The following SGCD variants were observed in gnomAD, a reference collection of about 807,000 sequenced individuals.
The protein encoded by SGCD is delta-sarcoglycan.
SGCD carries 18 observed loss-of-function variants against 36.6 expected under a neutral mutation model. The observed-to-expected ratio is 0.49, with a 90% CI of 0.34 to 0.73. The LOEUF (loss-of-function observed/expected upper bound fraction) is 0.73. Ranked by LOEUF, SGCD falls within the 30% of genes least tolerant of loss-of-function variation. The probability of loss-of-function intolerance (pLI) is 0.01; values close to 1 mark genes in which losing one functional copy is unlikely to be tolerated. For missense variants in SGCD, 387 were observed against 346.7 expected (o/e 1.12, Z -0.92); for synonymous variants, 133 against 130.6 (o/e 1.02, Z -0.12).
At chr5:156,372,106 T>A (rs1770416329) in intron 3 of SGCD, among the ~76,000 whole-genome samples, 1 of 152,286 alleles carries the variant, frequency 6.6e-6, no homozygotes, top group East Asian at 1.9e-4. Context: ...AGGACATAAG[T>A]GAATTGACAG....
intron 2 of SGCD, among the ~76,000 whole-genome samples, chr5:156,338,036 A>G (rs572508065): frequency 1.2e-4 from 18 of 152,242 alleles, no homozygotes; most frequent in Admixed American, 3.3e-4. Context: ...ATGCCTGTCA[A>G]TGCCCCTTCT....
chr5:156,525,739 T>A (rs181245061), intron 4 of SGCD, among the ~76,000 whole-genome samples: 47 of 152,216 alleles, frequency 3.1e-4, no homozygotes, highest in South Asian at 1.2e-3. Context: ...TTTAACCCAT[T>A]TTTGAGTTGA....
chr5:155,976,738 G>A (rs1758121043), intron 1 of SGCD, among the ~76,000 whole-genome samples: 1 of 152,048 alleles, frequency 6.6e-6, no homozygotes, highest in South Asian at 2.1e-4. Flanking sequence ...CAAGTGAAAG[G>A]CAACGGGTGT....
intron 3 of SGCD, among the ~76,000 whole-genome samples, chr5:156,496,996 A>C (rs1292980165): frequency 6.6e-6 from 1 of 152,192 alleles, no homozygotes; most frequent in African/African-American, 2.4e-5. Flanking sequence ...TCCTCAATTT[A>C]GAAGTTAGAA....
rs115159066 is a variant in SGCD at position 156,548,982 on chromosome 5, C to T, written c.295-40249C>T. 3.1e-3 allele frequency among the ~76,000 whole-genome samples: 468 copies of T among 152,172 alleles called. 4 individuals carry two copies. The highest frequency in any genetic ancestry group is 0.011 in the African/African-American group (448 of 41,456). Reference sequence around the variant, plus strand: ...AGCCTTGAGCTCCTTAAGGTTCTGTCAACCTAGAATACTTGCCAGTTCAGA... The same window carrying T: ...AGCCTTGAGCTCCTTAAGGTTCTGTTAACCTAGAATACTTGCCAGTTCAGA... On this transcript the variant is annotated intron_variant, in intron 4 of 8. Transcript: ENST00000337851.
At chr5:156,260,143 T>C (rs1480051573) in intron 3 of SGCD, among the ~76,000 whole-genome samples, 2 of 152,224 alleles carry the variant, frequency 1.3e-5, no homozygotes, top group African/African-American at 4.8e-5. Context: ...CATGTGGTCT[T>C]GATTATTGTA....
chr5:155,927,066 A>T (rs139823956), intron 1 of SGCD, among the ~76,000 whole-genome samples: 2 of 152,282 alleles, frequency 1.3e-5, no homozygotes, highest in African/African-American at 4.8e-5. Flanking sequence ...CCACAATGAA[A>T]ATATTGCCAT....
intron 7 of SGCD, among the ~76,000 whole-genome samples, chr5:156,672,246 G>A (rs1225879543): frequency 1.3e-5 from 2 of 152,158 alleles, no homozygotes; most frequent in Non-Finnish European, 2.9e-5. Flanking sequence ...TCTTAAATAT[G>A]TAAGTTTTCA....
At chr5:155,733,087 A>G in the SGCD span, among the ~76,000 whole-genome samples, 1 of 149,970 alleles carries the variant, frequency 6.7e-6, no homozygotes, top group Non-Finnish European at 1.5e-5. Flanking sequence ...CCTTCGGTGC[A>G]TGAGTGTCGG....
intron 3 of SGCD, among the ~76,000 whole-genome samples, chr5:156,164,857 A>G (rs1340739608): frequency 6.6e-6 from 1 of 152,232 alleles, no homozygotes; most frequent in Non-Finnish European, 1.5e-5. Context: ...TTGAAGGGAC[A>G]AAACATGAGG....
intron 1 of SGCD, among the ~76,000 whole-genome samples, chr5:156,007,375 T>C (rs949379509): frequency 6.6e-6 from 1 of 152,230 alleles, no homozygotes; most frequent in Admixed American, 6.5e-5. Flanking sequence ...AGTTTAATCT[T>C]CAAACTCTCC....
At chr5:156,031,338 G>C (rs890766103) in intron 1 of SGCD, among the ~76,000 whole-genome samples, 2 of 152,300 alleles carry the variant, frequency 1.3e-5, no homozygotes, top group Admixed American at 6.5e-5. Flanking sequence ...AAGAGGCCTA[G>C]AAACCCTTTG....
intron 3 of SGCD, among the ~76,000 whole-genome samples, chr5:156,279,753 T>C (rs1224966628): frequency 6.6e-6 from 1 of 152,008 alleles, no homozygotes; most frequent in Non-Finnish European, 1.5e-5. Flanking sequence ...TAGGAAGTGA[T>C]GAGAATAAAG....
At chr5:156,705,961 A>G (rs966189532) in intron 7 of SGCD, among the ~76,000 whole-genome samples, 2 of 152,170 alleles carry the variant, frequency 1.3e-5, no homozygotes, top group Non-Finnish European at 2.9e-5. Context: ...AAATACTTCA[A>G]TCAACCACCT....
At chr5:155,871,042 GT>G (rs1249626259) in intron 1 of SGCD, among the ~76,000 whole-genome samples, 1 of 150,604 alleles carries the variant, frequency 6.6e-6, no homozygotes, top group South Asian at 2.1e-4. Flanking sequence ...ATTGATTTCG[GT>G]TTTTTTTTGC....
Position 156,090,639 on chromosome 5 carries a change from C to T in SGCD, c.-281-27239C>T, listed in dbSNP as rs962856001. Among the ~76,000 whole-genome samples the T allele has an allele frequency of 5.3e-5, 8 of 152,222 alleles. No individual in the cohort carries two copies. In the South Asian group the frequency reaches 6.2e-4, roughly 12 times the overall value. ...GAAACAGGGTTTGAGAGCAGACAACCGGTCTGACTAGAATTCACCAGGCTG... is the reference window on the plus strand; with the variant it reads ...GAAACAGGGTTTGAGAGCAGACAACTGGTCTGACTAGAATTCACCAGGCTG... On this transcript the variant is annotated intron_variant, in intron 1 of 9. Transcript: ENST00000517913.
At chr5:155,793,792 G>A in the SGCD span, among the ~76,000 whole-genome samples, 4 of 151,692 alleles carry the variant, frequency 2.6e-5, no homozygotes, top group South Asian at 4.2e-4. Flanking sequence ...CAGGCAATCC[G>A]CCTGTCTCAG....
chr5:156,539,713 A>G (rs925048008), intron 4 of SGCD, among the ~76,000 whole-genome samples: 1 of 152,100 alleles, frequency 6.6e-6, no homozygotes, highest in African/African-American at 2.4e-5. Flanking sequence ...TTGTGTTGCT[A>G]TAAACATGGT....
In SGCD at chr5:156,248,621, C is replaced by T. The variant is rs1044299723; in HGVS notation, c.-43-80913C>T. ...CAAGTAGAAGCTACCTCATGCTGGG[C>T]GCTGGGCTTCGTAGGATAATGTACA... On this transcript the variant is annotated intron_variant, in intron 3 of 9. Coordinates refer to the SGCD transcript ENST00000517913. Among the ~76,000 whole-genome samples, 6 of 152,214 alleles carry T rather than the reference C, an allele frequency of 3.9e-5. No homozygotes were observed. In the East Asian group the frequency reaches 7.8e-4, roughly 20 times the overall value.
Sources: allele counts gnomAD v4.1 joint callset (sites outside exome capture counted in the v4.1 genomes callset), GRCh38; gene constraint gnomAD v4.1.1; transcripts MANE v1.5; gene names NCBI Gene and HGNC (gene_info 2026-07-23, HGNC 2026-07-21).